SNTG2: variants seen among roughly 807,000 people sequenced by gnomAD.
SNTG2 encodes syntrophin gamma 2.
In SNTG2, 74 loss-of-function variants were observed where a neutral mutation model predicts 70.9. The observed-to-expected ratio is 1.04, with a 90% CI of 0.86 to 1.27. The LOEUF (loss-of-function observed/expected upper bound fraction) is 1.27, where lower values mean the gene tolerates loss of function less well. SNTG2 is among the 50% of genes most tolerant of loss of function. The pLI, the probability that SNTG2 is intolerant of heterozygous loss-of-function variation, is 0.00. For missense variants in SNTG2, 717 were observed against 690.7 expected, an observed-to-expected ratio of 1.04 and a Z score of -0.43; for synonymous variants, 278 against 273.8, an observed-to-expected ratio of 1.02 and a Z score of -0.15.
intron 14 of SNTG2, among the ~76,000 whole-genome samples, chr2:1,289,060 G>A (rs929872724): frequency 5.3e-5 from 8 of 151,802 alleles, no homozygotes; most frequent in African/African-American, 1.2e-4. Context: ...ATTTTCTCAC[G>A]GCTGTCCTCT....
At chr2:951,864 C>T (rs1659979715) in intron 1 of SNTG2, among the ~76,000 whole-genome samples, 1 of 152,036 alleles carries the variant, frequency 6.6e-6, no homozygotes, top group Non-Finnish European at 1.5e-5. Flanking sequence ...ACAACCACTC[C>T]TTTAGGATTC....
chr2:1,172,517 A>G (rs74441852), intron 7 of SNTG2, among the ~76,000 whole-genome samples: 8 of 152,292 alleles, frequency 5.3e-5, no homozygotes, highest in Admixed American at 6.5e-5. Context: ...AAAGTGCTCT[A>G]TGTCCCCTGG....
At chr2:996,903 C>T (rs1265082739) in intron 1 of SNTG2, among the ~76,000 whole-genome samples, 1 of 151,750 alleles carries the variant, frequency 6.6e-6, no homozygotes, top group Non-Finnish European at 1.5e-5. Context: ...ATCAACAAAG[C>T]CAAAACTATT....
intron 7 of SNTG2, among the ~76,000 whole-genome samples, chr2:1,172,298 CT>C (rs1176782404): frequency 6.6e-6 from 1 of 152,182 alleles, no homozygotes. Context: ...TCTGTTCCAC[CT>C]GGCTGGGAAT....
intron 12 of SNTG2, among the ~76,000 whole-genome samples, chr2:1,256,245 C>A (rs936380223): frequency 6.6e-6 from 1 of 151,930 alleles, no homozygotes; most frequent in African/African-American, 2.4e-5. Flanking sequence ...ATGGGGCCAC[C>A]GTGGTCTGTG....
intron 16 of SNTG2, among the ~76,000 whole-genome samples, chr2:1,338,055 C>T (rs990882399): frequency 6.6e-6 from 1 of 152,162 alleles, no homozygotes; most frequent in African/African-American, 2.4e-5. Flanking sequence ...TGGTGTATTC[C>T]ATTCATCTGT....
intron 1 of SNTG2, among the ~76,000 whole-genome samples, chr2:1,037,716 GTTC>G (rs1661210600): frequency 2.0e-5 from 3 of 152,266 alleles, no homozygotes; most frequent in South Asian, 4.1e-4. Flanking sequence ...TTGTGTTTGG[GTTC>G]TTCTACTTCG....
At chr2:1,239,618 T>C (rs1209095170) in intron 10 of SNTG2, 120 bp from the exon 11 acceptor site, 2 of 999,444 alleles carry the variant, frequency 2.0e-6, no homozygotes, top group Admixed American at 2.2e-5. Context: ...ATAGGAAATA[T>C]GTCATTAAAG....
intron 8 of SNTG2, among the ~76,000 whole-genome samples, chr2:1,179,748 T>G (rs1220421255): frequency 6.7e-6 from 1 of 150,208 alleles, no homozygotes; most frequent in African/African-American, 2.4e-5. Context: ...AAAAAGAGCC[T>G]GCATCGCCAA....
Position 1,173,129 on chromosome 2 carries a change from C to G in SNTG2, c.537C>G (p.Ala179=). 6.2e-7 allele frequency: 1 copy of G among 1,613,982 alleles called. No individual in the cohort carries two copies. The highest frequency in any genetic ancestry group is 8.5e-7 in the Non-Finnish European group (1 of 1,179,894). Residue 179 remains alanine, a synonymous_variant, in exon 8 of 17, where the codon GCC becomes GCG. Coordinates refer to ENST00000308624, the MANE Select transcript of SNTG2 (RefSeq NM_018968.4). ...PGPSSDHSSG[A]SSPLFDSGLH... The stretch of plus-strand genomic sequence containing the variant: ...CATCCAGCGACCACAGCAGTGGGGC[C>G]TCCTCTCCCCTCTTTGACAGCGGTT...
At chr2:1,170,625 C>T (rs74636060) in intron 7 of SNTG2, among the ~76,000 whole-genome samples, 1 of 71,762 alleles carries the variant, frequency 1.4e-5, no homozygotes, top group Non-Finnish European at 2.9e-5. Flanking sequence ...TTTCAGAGTC[C>T]GCCCCCAATG....
chr2:1,027,185 GT>G (rs1414202313), intron 1 of SNTG2, among the ~76,000 whole-genome samples: 1 of 152,186 alleles, frequency 6.6e-6, no homozygotes, highest in Non-Finnish European at 1.5e-5. Flanking sequence ...TCGTCTGCTT[GT>G]TTCCTGGAGA....
chr2:1,006,174 G>C (rs183573212), intron 1 of SNTG2, among the ~76,000 whole-genome samples: 1,319 of 118,846 alleles, frequency 0.011, 35 homozygotes, highest in African/African-American at 0.039. Context: ...GTGGTGGGGT[G>C]GGGGGAGGGA....
intron 1 of SNTG2, among the ~76,000 whole-genome samples, chr2:1,039,657 GCT>G (rs1661321281): frequency 6.6e-6 from 1 of 152,028 alleles, no homozygotes; most frequent in Non-Finnish European, 1.5e-5. Context: ...CTGGCGTTTG[GCT>G]CTCTACAAAT....
At chr2:1,165,013 G>T (rs990187219) in intron 6 of SNTG2, among the ~76,000 whole-genome samples, 2 of 152,222 alleles carry the variant, frequency 1.3e-5, no homozygotes, top group African/African-American at 4.8e-5. Flanking sequence ...GTGTTGAAAC[G>T]TAGGGGATTG....
At chr2:1,340,025 A>C (rs1373531945) in intron 16 of SNTG2, among the ~76,000 whole-genome samples, 3 of 152,224 alleles carry the variant, frequency 2.0e-5, no homozygotes, top group African/African-American at 7.2e-5. Flanking sequence ...AGAGGGGTGG[A>C]AGCTCTGTGG....
chr2:1,112,533 TTCAGAAAGATCGTGTGTACTAAG>T (rs1359434619), intron 4 of SNTG2, among the ~76,000 whole-genome samples: 15 of 151,428 alleles, frequency 9.9e-5, no homozygotes, highest in South Asian at 2.1e-4. Flanking sequence ...TTACAGTCCT[TTCAGAAAGATCGTGTGTACTAAG>T]TGAGGTGTAA....
At chr2:1,168,461 G>C (rs376896993) in intron 7 of SNTG2, among the ~76,000 whole-genome samples, 3 of 152,210 alleles carry the variant, frequency 2.0e-5, no homozygotes, top group African/African-American at 7.2e-5. Context: ...CCCGCCAGAG[G>C]TTTGAGTAGT....
rs546622951 is a variant in SNTG2, at chr2:1,001,047, A to C, written c.72+49979A>C. ...ATAATCATCTCAATAGATGCAGAAG[A>C]AGCATTCAATAAATTCCAACATCCC... On this transcript the variant is annotated intron_variant, in intron 1 of 16. Transcript: ENST00000308624. Among the ~76,000 whole-genome samples, 6 of 152,202 alleles carry C rather than the reference A, an allele frequency of 3.9e-5. No homozygotes were observed. In the East Asian group the frequency reaches 5.8e-4, roughly 15 times the overall value.
Sources: gnomAD v4.1 joint callset for allele counts (sites outside exome capture counted in the v4.1 genomes callset) on GRCh38, gnomAD v4.1.1 for gene constraint, MANE v1.5 for transcripts, NCBI Gene and HGNC (gene_info 2026-07-23, HGNC 2026-07-21) for gene names.